Variants in AMOTL1 observed in about 807,000 individuals in gnomAD.
AMOTL1 encodes the protein angiomotin like 1, also known as angiomotin-like protein 1.
AMOTL1 carries 45 observed loss-of-function variants against 102.9 expected under a neutral mutation model. The observed-to-expected ratio is 0.44, with a 90% confidence interval of 0.34 to 0.56. The LOEUF (loss-of-function observed/expected upper bound fraction) is 0.56. Among genes scored for constraint, AMOTL1 ranks in the 20% least tolerant of loss-of-function variants. The pLI is 0.01. For missense variants in AMOTL1, 1,114 were observed against 1,225.6 expected (o/e 0.91, Z 1.36); for synonymous variants, 481 against 484.7 (o/e 0.99, Z 0.10).
In AMOTL1 at chr11:94,821,623, C is replaced by G. The variant is rs773021039; in HGVS notation, c.1215C>G (p.Val405=). 1.2e-6 allele frequency: 2 copies of G among 1,613,704 alleles called. No individual in the cohort carries two copies. The highest frequency in any genetic ancestry group is 1.7e-6 in the Non-Finnish European group (2 of 1,179,846). The change falls in exon 4 of 13, where the codon GTC becomes GTG. Residue 405 remains valine (V), a synonymous_variant. Coordinates refer to ENST00000433060, the MANE Select transcript of AMOTL1 (RefSeq NM_130847.3). ...CCGCCAGCGGGCCACTGCACTCTGT[C>G]TCCCTGCCGCTTCCACTCCCGATGG... ...TSSASGPLHS[V]SLPLPLPMAL...
intron 1 of AMOTL1, among the ~76,000 whole-genome samples, chr11:94,725,451 A>G (rs1319845610): frequency 6.6e-6 from 1 of 152,210 alleles, no homozygotes; most frequent in Non-Finnish European, 1.5e-5. Flanking sequence ...ATATTCATTC[A>G]TTCAGCAAAT....
intron 4 of AMOTL1, among the ~76,000 whole-genome samples, chr11:94,829,221 C>CCT (rs1463625162): frequency 1.3e-4 from 18 of 135,996 alleles, no homozygotes; most frequent in African/African-American, 4.6e-4. Flanking sequence ...TCCATTAATC[C>CCT]TTTTTTTTTT....
intron 2 of AMOTL1, among the ~76,000 whole-genome samples, chr11:94,732,149 G>T (rs1221862889): frequency 1.3e-5 from 2 of 152,180 alleles, no homozygotes; most frequent in Non-Finnish European, 2.9e-5. Context: ...TGGGCTGGTG[G>T]GGTTTGCATT....
intron 1 of AMOTL1, among the ~76,000 whole-genome samples, chr11:94,721,237 C>T (rs973795836): frequency 5.9e-5 from 9 of 151,822 alleles, no homozygotes; most frequent in South Asian, 2.1e-4. Context: ...AAATAGACAC[C>T]GATTTCACCA....
intron 1 of AMOTL1, among the ~76,000 whole-genome samples, chr11:94,716,349 T>A (rs1950098782): frequency 6.6e-6 from 1 of 152,168 alleles, no homozygotes; most frequent in East Asian, 1.9e-4. Flanking sequence ...AAAGTTGGCA[T>A]CAGTTGATTG....
intron 3 of AMOTL1, among the ~76,000 whole-genome samples, chr11:94,752,264 C>T (rs894498320): frequency 6.6e-5 from 10 of 152,146 alleles, no homozygotes; most frequent in Non-Finnish European, 8.8e-5. Flanking sequence ...GCACCCTCCT[C>T]AGCCCCCACT....
At chr11:94,810,831 GAC>G (rs3995610) in intron 3 of AMOTL1, among the ~76,000 whole-genome samples, 26,293 of 143,472 alleles carry the variant, frequency 0.18, 2,652 homozygotes, top group East Asian at 0.45. Flanking sequence ...AAAAATAAAA[GAC>G]ACACACACAC....
At chr11:94,757,362 A>G (rs1950738793) in intron 3 of AMOTL1, among the ~76,000 whole-genome samples, 1 of 152,160 alleles carries the variant, frequency 6.6e-6, no homozygotes, top group South Asian at 2.1e-4. Flanking sequence ...AATGAGGAAA[A>G]ACGGCTTTAC....
chr11:94,773,877 A>T (rs536551557), intron 1 of AMOTL1, among the ~76,000 whole-genome samples: 1 of 152,240 alleles, frequency 6.6e-6, no homozygotes, highest in Non-Finnish European at 1.5e-5. Flanking sequence ...AGTTATGTAT[A>T]TGTTAAAATG....
chr11:94,797,744 G>A (rs1951394835), intron 2 of AMOTL1, among the ~76,000 whole-genome samples: 1 of 152,236 alleles, frequency 6.6e-6, no homozygotes, highest in South Asian at 2.1e-4. Context: ...GAGAGAGCTA[G>A]CATGTCTTGG....
At chr11:94,752,912 A>G (rs979472290) in intron 3 of AMOTL1, among the ~76,000 whole-genome samples, 1 of 152,146 alleles carries the variant, frequency 6.6e-6, no homozygotes, top group Non-Finnish European at 1.5e-5. Context: ...TCTGTCTCCC[A>G]AGGGTTTGCT....
chr11:94,808,899 A>T (rs2036393920), intron 3 of AMOTL1, among the ~76,000 whole-genome samples: 1 of 152,092 alleles, frequency 6.6e-6, no homozygotes, highest in African/African-American at 2.4e-5. Flanking sequence ...ACAGGTAATC[A>T]ATATTAAAAA....
chr11:94,729,379 C>T (rs187577209), intron 2 of AMOTL1, among the ~76,000 whole-genome samples: 1 of 152,160 alleles, frequency 6.6e-6, no homozygotes, highest in Non-Finnish European at 1.5e-5. Flanking sequence ...GGAAGCTGGT[C>T]AGACATCTTT....
chr11:94,773,055 A>G (rs966993939), intron 1 of AMOTL1, among the ~76,000 whole-genome samples: 1 of 152,162 alleles, frequency 6.6e-6, no homozygotes, highest in Non-Finnish European at 1.5e-5. Flanking sequence ...CCCATTCCCT[A>G]ACTGGATTAT....
chr11:94,813,673 T>C (rs1342654439), intron 3 of AMOTL1, among the ~76,000 whole-genome samples: 1 of 152,164 alleles, frequency 6.6e-6, no homozygotes, highest in Non-Finnish European at 1.5e-5. Flanking sequence ...CGTGTGAATA[T>C]ACATGTCGTC....
In AMOTL1 at chr11:94,873,427, C is replaced by G. The variant is rs1184303553; in HGVS notation, c.*2632C>G. ...TCCGGCCATATACTGAGTACCTGCTCTGAGTTCTGGGCAGCTTACAATATC... is the reference window on the plus strand; with the variant it reads ...TCCGGCCATATACTGAGTACCTGCTGTGAGTTCTGGGCAGCTTACAATATC... On this transcript the variant is annotated 3_prime_UTR_variant, in exon 13 of 13. Transcript: ENST00000433060. The G allele has an allele frequency of 1.3e-5, 2 of 152,186 alleles. No individual in the cohort carries two copies. The highest frequency in any genetic ancestry group is 2.9e-5 in the Non-Finnish European group (2 of 68,038). 9.4% of individuals were successfully genotyped at this position (152,186 alleles called of 1,614,324 possible). A position where few individuals can be genotyped will look rare whatever the true frequency, so the allele number is the denominator to read the frequency against.
At chr11:94,755,703 G>C (rs2135494887) in intron 3 of AMOTL1, among the ~76,000 whole-genome samples, 1 of 152,260 alleles carries the variant, frequency 6.6e-6, no homozygotes, top group Non-Finnish European at 1.5e-5. Context: ...AACTCCTAGA[G>C]GCCGCATGCA....
chr11:94,855,035 G>A (rs1180873197), intron 8 of AMOTL1, among the ~76,000 whole-genome samples: 2 of 152,160 alleles, frequency 1.3e-5, no homozygotes, highest in African/African-American at 2.4e-5. Flanking sequence ...CCCCAGATGA[G>A]CCTGTCCACC....
rs116380314 is a variant in AMOTL1 at position 94,772,806 on chromosome 11, C to T, written c.49+4246C>T. On this transcript the variant is annotated intron_variant, in intron 1 of 12. Transcript: ENST00000433060. ...TTGCCAAACTTTTCCAGAGTGGCTGCACCACTCCTATTAGCAATGTATGAG... is the reference window on the plus strand; with the variant it reads ...TTGCCAAACTTTTCCAGAGTGGCTGTACCACTCCTATTAGCAATGTATGAG... Among the ~76,000 whole-genome samples the T allele has an allele frequency of 4.9e-3, 752 of 152,280 alleles. 9 individuals are homozygous for T. Among genetic ancestry groups the T allele is most frequent in the African/African-American group, 0.017 (707 of 41,562 alleles).
Sources: gnomAD v4.1 joint callset for allele counts (sites outside exome capture counted in the v4.1 genomes callset) on GRCh38, gnomAD v4.1.1 for gene constraint, MANE v1.5 for transcripts, NCBI Gene and HGNC (gene_info 2026-07-23, HGNC 2026-07-21) for gene names.